Variants in DIPK2B observed in about 807,000 individuals in gnomAD.
The protein encoded by DIPK2B is UPF0672 protein CXorf36.
Under a neutral mutation model 22.2 loss-of-function variants are expected in DIPK2B, and 15 were observed. The ratio of observed to expected loss-of-function variants is 0.68; its 90% CI spans 0.45 to 1.04. The LOEUF (loss-of-function observed/expected upper bound fraction) is 1.04, where lower values mean the gene tolerates loss of function less well. Among genes scored for constraint, DIPK2B ranks in the 50% least tolerant of loss-of-function variants. The pLI is 0.00. For missense variants in DIPK2B, 345 were observed against 348.3 expected, an observed-to-expected ratio of 0.99 and a Z score of 0.08; for synonymous variants, 163 against 153.2, an observed-to-expected ratio of 1.06 and a Z score of -0.47.
intron 2 of DIPK2B, among the ~76,000 whole-genome samples, chrX:45,177,385 G>A (rs987091196): frequency 1.8e-5 from 2 of 110,645 alleles, no homozygotes; most frequent in African/African-American, 6.6e-5. Flanking sequence ...TTGGGTCATG[G>A]AGGTGGATCC....
intron 1 of DIPK2B, among the ~76,000 whole-genome samples, chrX:45,199,006 C>T (rs2047254222): frequency 9.0e-6 from 1 of 111,417 alleles, no homozygotes; most frequent in South Asian, 3.8e-4. Context: ...GAGCTCTTCC[C>T]AAATCACAGG....
intron 2 of DIPK2B, among the ~76,000 whole-genome samples, chrX:45,186,138 T>A (rs2047182408): frequency 8.9e-6 from 1 of 112,183 alleles, no homozygotes; most frequent in African/African-American, 3.2e-5. Flanking sequence ...AGCAAAGTTT[T>A]CATGGTTGTA....
In DIPK2B at chrX:45,200,830, G is replaced by C. The variant is rs778287525; in HGVS notation, c.-4C>G. ...CAGGCCCCAGCTGGGGCTCCATCTT[G>C]GGCTCTGGGCTCCAGCTGCAGCCTC... On this transcript the variant is annotated 5_prime_UTR_variant, in exon 1 of 5. Transcript: ENST00000398000. 1.3e-5 allele frequency: 15 copies of C among 1,162,214 alleles called. No individual in the cohort carries two copies. Among genetic ancestry groups the C allele is most frequent in the Non-Finnish European group, 1.7e-5 (15 of 868,070 alleles).
At chrX:45,192,726 C>T (rs1244790474) in intron 1 of DIPK2B, among the ~76,000 whole-genome samples, 1 of 111,929 alleles carries the variant, frequency 8.9e-6, no homozygotes, top group Non-Finnish European at 1.9e-5. Context: ...GTGTGTGATT[C>T]TACATGATGG....
At chrX:45,159,368 T>C (rs1469953471) in intron 2 of DIPK2B, among the ~76,000 whole-genome samples, 1 of 112,001 alleles carries the variant, frequency 8.9e-6, no homozygotes, top group Non-Finnish European at 1.9e-5. Context: ...ACTTTTCAGA[T>C]GGTAATACTG....
intron 2 of DIPK2B, among the ~76,000 whole-genome samples, chrX:45,183,630 CT>C (rs372662124): frequency 0.017 from 1,920 of 111,370 alleles, 44 homozygotes; most frequent in African/African-American, 0.059. Flanking sequence ...AGACTAACAA[CT>C]TTTTTTTCTT....
chrX:45,184,877 C>A (rs1262484104), intron 2 of DIPK2B, among the ~76,000 whole-genome samples: 2 of 111,544 alleles, frequency 1.8e-5, no homozygotes, highest in East Asian at 5.6e-4. Context: ...ATTACAATTT[C>A]AATTATTTGC....
chrX:45,158,826 A>G (rs2047008917), intron 2 of DIPK2B, among the ~76,000 whole-genome samples: 1 of 112,028 alleles, frequency 8.9e-6, no homozygotes, highest in African/African-American at 3.3e-5. Flanking sequence ...GTTAATTCAC[A>G]TTTGGTACCT....
chrX:45,161,993 T>A (rs2047024938), intron 2 of DIPK2B, among the ~76,000 whole-genome samples: 1 of 111,881 alleles, frequency 8.9e-6, no homozygotes, highest in Non-Finnish European at 1.9e-5. Context: ...ACATTAAGCC[T>A]AGGTCTTAAA....
intron 2 of DIPK2B, among the ~76,000 whole-genome samples, chrX:45,164,866 G>A (rs1184087255): frequency 1.8e-5 from 2 of 111,925 alleles, no homozygotes; most frequent in African/African-American, 6.5e-5. Context: ...GAGCCCAGGA[G>A]TTCAAGACTG....
intron 2 of DIPK2B, among the ~76,000 whole-genome samples, chrX:45,187,672 T>C (rs1023951107): frequency 8.9e-6 from 1 of 111,952 alleles, no homozygotes; most frequent in Non-Finnish European, 1.9e-5. Flanking sequence ...CCTCTGATGA[T>C]GACTGCTGGG....
chrX:45,194,752 T>C, intron 1 of DIPK2B, among the ~76,000 whole-genome samples: 1 of 111,674 alleles, frequency 9.0e-6, no homozygotes, highest in Non-Finnish European at 1.9e-5. Context: ...GATGAGAAAA[T>C]TGAAAAGATA....
chrX:45,174,077 C>T lies in DIPK2B; in HGVS notation c.499-16189G>A, dbSNP rs191595731. On this transcript the variant is annotated intron_variant, in intron 2 of 4. Coordinates refer to ENST00000398000, the MANE Select transcript of DIPK2B (RefSeq NM_176819.4). ...ACAGAGGCCCTAGAGAGAGAGGCCGCAAAGCCCGGAAAGGCCTGAGCTGAG... is the reference window on the plus strand; with the variant it reads ...ACAGAGGCCCTAGAGAGAGAGGCCGTAAAGCCCGGAAAGGCCTGAGCTGAG... Among the ~76,000 whole-genome samples, 6 of 111,401 alleles carry T rather than the reference C, an allele frequency of 5.4e-5. No homozygotes were observed. The Admixed American group carries it at 5.7e-4, about 11-fold the overall frequency.
chrX:45,163,913 G>A, intron 2 of DIPK2B: 1 of 899,087 alleles, frequency 1.1e-6, no homozygotes. Context: ...TCTGGATTGG[G>A]GTGGGCTCAG....
At chrX:45,199,719 C>A (rs1420053890) in intron 1 of DIPK2B, among the ~76,000 whole-genome samples, 1 of 111,237 alleles carries the variant, frequency 9.0e-6, no homozygotes, top group Non-Finnish European at 1.9e-5. Context: ...CTGCATCAGA[C>A]AAAGCCTTAT....
chrX:45,173,367 A>C (rs979939658), intron 2 of DIPK2B, among the ~76,000 whole-genome samples: 1 of 110,221 alleles, frequency 9.1e-6, no homozygotes, highest in Non-Finnish European at 1.9e-5. Context: ...CTTCTGGGCC[A>C]GGTATTGGGT....
chrX:45,151,821 A>G lies in DIPK2B; in HGVS notation c.1133T>C (p.Val378Ala). ...RLLQGRFPSP[V>A]QDDIDSILVQ... ...AAGGATGGAGTCTATGTCGTCTTGC[A>G]CTGGGGAGGGGAACCTCCCCTGGAG... Residue 378 changes from valine (V) to alanine (A), a missense_variant, in exon 5 of 5, where the codon GTG becomes GCG. Coordinates refer to ENST00000398000, the MANE Select transcript of DIPK2B (RefSeq NM_176819.4). 1 of 1,212,116 alleles carries G rather than the reference A, an allele frequency of 8.3e-7. No homozygotes were observed. The highest frequency in any genetic ancestry group is 1.1e-6 in the Non-Finnish European group (1 of 895,456).
intron 2 of DIPK2B, among the ~76,000 whole-genome samples, chrX:45,174,346 G>A (rs886222386): frequency 1.8e-5 from 2 of 111,681 alleles, no homozygotes; most frequent in African/African-American, 6.5e-5. Flanking sequence ...TATAAAGTAG[G>A]ACCTTCTGAG....
Position 45,164,095 on chromosome X carries a change from T to A in DIPK2B, c.499-6207A>T, listed in dbSNP as rs774900272. Reference sequence around the variant, plus strand: ...AGGTTTGATGCAGAAGCCTCTTTAATGATTACTATTTGAAAATGTGGTTGG... The same window carrying A: ...AGGTTTGATGCAGAAGCCTCTTTAAAGATTACTATTTGAAAATGTGGTTGG... On this transcript the variant is annotated intron_variant, in intron 2 of 4. Coordinates refer to ENST00000398000, the MANE Select transcript of DIPK2B (RefSeq NM_176819.4). The A allele has an allele frequency of 7.5e-6, 8 of 1,059,688 alleles. No individual in the cohort carries two copies. In the Admixed American group the frequency reaches 2.9e-4, roughly 39 times the overall value. 87.3% of individuals were successfully genotyped at this position (1,059,688 alleles called of 1,213,427 possible).
Sources: allele counts gnomAD v4.1 joint callset (sites outside exome capture counted in the v4.1 genomes callset), GRCh38; gene constraint gnomAD v4.1.1; transcripts MANE v1.5; gene names NCBI Gene and HGNC (gene_info 2026-07-23, HGNC 2026-07-21).